Variants in DNAH7 observed in about 807,000 individuals in gnomAD.
DNAH7 encodes dynein axonemal heavy chain 7.
DNAH7 carries 397 observed loss-of-function variants against 444.6 expected under a neutral mutation model. That is an observed-to-expected ratio of 0.89 (90% CI 0.82 to 0.97). The LOEUF (loss-of-function observed/expected upper bound fraction) is 0.97. DNAH7 is among the 50% of genes least tolerant of loss of function. The pLI, the probability that DNAH7 is intolerant of heterozygous loss-of-function variation, is 0.00. For synonymous variants in DNAH7, 1,636 were observed against 1,624.4 expected, an observed-to-expected ratio of 1.01 and a Z score of -0.17; for missense variants, 4,902 against 4,800.8, an observed-to-expected ratio of 1.02 and a Z score of -0.62.
At chr2:195,768,903 T>G (rs982315811) in intron 61 of DNAH7, among the ~76,000 whole-genome samples, 2 of 152,184 alleles carry the variant, frequency 1.3e-5, no homozygotes, top group Non-Finnish European at 2.9e-5. Flanking sequence ...GTCTTATGTA[T>G]TGGATATTGC....
intron 51 of DNAH7, among the ~76,000 whole-genome samples, chr2:195,811,960 G>A (rs1378387613): frequency 1.3e-5 from 2 of 152,072 alleles, no homozygotes; most frequent in Admixed American, 6.6e-5. Flanking sequence ...TACCAGAGGT[G>A]GTAAGATTTG....
intron 29 of DNAH7, among the ~76,000 whole-genome samples, chr2:195,895,645 C>T (rs1235794153): frequency 6.6e-6 from 1 of 152,138 alleles, no homozygotes; most frequent in Non-Finnish European, 1.5e-5. Flanking sequence ...AGATAATTAA[C>T]ATATCCATCA....
intron 35 of DNAH7, among the ~76,000 whole-genome samples, chr2:195,884,064 T>C (rs1386537015): frequency 6.6e-6 from 1 of 152,066 alleles, no homozygotes; most frequent in Non-Finnish European, 1.5e-5. Context: ...TAAATCTGTA[T>C]ATATTTAAAT....
rs144732351 is a variant in DNAH7, at chr2:195,956,799, A to T, written c.3078+462T>A. 1.6e-3 allele frequency among the ~76,000 whole-genome samples: 239 copies of T among 151,860 alleles called. 1 individual carries two copies. The highest frequency in any genetic ancestry group is 5.3e-3 in the African/African-American group (219 of 41,398). On this transcript the variant is annotated intron_variant, in intron 19 of 64. Transcript: ENST00000312428. Reference sequence around the variant, plus strand: ...TCTTTCTTTATTGCATTTTATTTGCATTTATTGGACTTTTTAGATATATTT... The same window carrying T: ...TCTTTCTTTATTGCATTTTATTTGCTTTTATTGGACTTTTTAGATATATTT...
chr2:195,931,880 G>C (rs550733249), intron 21 of DNAH7, among the ~76,000 whole-genome samples: 6 of 152,124 alleles, frequency 3.9e-5, no homozygotes, highest in African/African-American at 1.4e-4. Context: ...TTGTTCTTTT[G>C]GCTTAGGATT....
At position 195,987,205 on chromosome 2, in the gene DNAH7, TAA is replaced by T; in HGVS notation, c.1627-14_1627-13del. ...CCTAAACGAATAGTCTGCAAAAGAT[TAA>T]AAGTTTAATCAACATAAGAAGAAAT... is the stretch of plus-strand genomic sequence containing the variant. On this transcript the variant is annotated splice_polypyrimidine_tract_variant and intron_variant, in intron 13 of 64. Transcript: ENST00000312428. 6.5e-7 allele frequency: 1 copy of T among 1,537,338 alleles called. No individual in the cohort carries two copies. The highest frequency in any genetic ancestry group is 8.7e-7 in the Non-Finnish European group (1 of 1,143,382).
intron 5 of DNAH7, among the ~76,000 whole-genome samples, chr2:196,045,266 G>A (rs924788081): frequency 6.8e-6 from 1 of 146,620 alleles, no homozygotes; most frequent in Non-Finnish European, 1.5e-5. Context: ...AGAAGGGAAG[G>A]GAATGAAAGG....
rs755532009 is a variant in DNAH7 at position 195,884,703 on chromosome 2, G to C, written c.5645C>G (p.Ser1882Ter). ...ILRELMESPI[S>*]DRTRNTFKLQ... Reference sequence around the variant, plus strand: ...TTTAAACGTATTTCGAGTTCGATCTGAAATTGGACTTTCCATTAGTTCTCG... The same window carrying C: ...TTTAAACGTATTTCGAGTTCGATCTCAAATTGGACTTTCCATTAGTTCTCG... The change falls in exon 35 of 65, where the codon TCA (serine) becomes TGA (stop). Residue 1882 changes from serine (S) to a stop codon, truncating the protein, a stop_gained. Coordinates refer to ENST00000312428, the MANE Select transcript of DNAH7 (RefSeq NM_018897.3). LOFTEE classifies it high-confidence loss of function. 6.2e-7 allele frequency: 1 copy of C among 1,614,128 alleles called. No homozygotes were observed. Among genetic ancestry groups the C allele is most frequent in the Admixed American group, 1.7e-5 (1 of 60,024 alleles).
At chr2:195,832,200 T>C (rs565258809) in intron 48 of DNAH7, among the ~76,000 whole-genome samples, 29 of 152,280 alleles carry the variant, frequency 1.9e-4, no homozygotes, top group Non-Finnish European at 2.9e-4. Flanking sequence ...TTATGACCCA[T>C]ACTTTGGAAA....
chr2:196,000,690 T>C lies in DNAH7; in HGVS notation c.1353+14A>G, dbSNP rs1258721250. 2 of 1,506,644 alleles carry C rather than the reference T, an allele frequency of 1.3e-6. No homozygotes were observed. The highest frequency in any genetic ancestry group is 1.4e-5 in the African/African-American group (1 of 71,458). 93.3% of individuals were successfully genotyped at this position (1,506,644 alleles called of 1,614,324 possible). A position where few individuals can be genotyped will look rare whatever the true frequency, so the allele number is the denominator to read the frequency against. On this transcript the variant is annotated intron_variant, in intron 12 of 64. Transcript: ENST00000312428. Reference sequence around the variant, plus strand: ...TATGCAAATTCAAGCAATCTTAATATCCTTGTTACTTACCCACTTGGAATA... The same window carrying C: ...TATGCAAATTCAAGCAATCTTAATACCCTTGTTACTTACCCACTTGGAATA...
At chr2:195,994,370 T>C in intron 12 of DNAH7, 1 of 714,412 alleles carries the variant, frequency 1.4e-6, no homozygotes, top group Non-Finnish European at 2.3e-6. Context: ...GGGGAGGCAG[T>C]AAGTTTACAA....
chr2:196,060,374 A>G (rs756158850), intron 1 of DNAH7, among the ~76,000 whole-genome samples: 35 of 152,182 alleles, frequency 2.3e-4, no homozygotes, highest in Non-Finnish European at 4.3e-4. Context: ...TTTTCAATGT[A>G]TATGTCCTCC....
At chr2:195,898,184 A>T (rs1702448244) in intron 28 of DNAH7, among the ~76,000 whole-genome samples, 1 of 152,192 alleles carries the variant, frequency 6.6e-6, no homozygotes, top group Non-Finnish European at 1.5e-5. Flanking sequence ...ACATATAAAC[A>T]TTCACTAATT....
At chr2:195,865,851 G>A (rs1433442322) in intron 40 of DNAH7, among the ~76,000 whole-genome samples, 4 of 152,106 alleles carry the variant, frequency 2.6e-5, no homozygotes, top group African/African-American at 9.7e-5. Flanking sequence ...ATAAGGAGAG[G>A]AAGAGGCATT....
chr2:195,772,019 A>C, intron 60 of DNAH7, 129 bp from the exon 61 acceptor site: 5 of 764,824 alleles, frequency 6.5e-6, no homozygotes, highest in Non-Finnish European at 1.1e-5. Flanking sequence ...ATCCATCTCC[A>C]CACAAGATTT....
chr2:195,863,747 T>G (rs1463978655), intron 41 of DNAH7, among the ~76,000 whole-genome samples: 1 of 152,304 alleles, frequency 6.6e-6, no homozygotes, highest in East Asian at 1.9e-4. Flanking sequence ...TACACGGTTA[T>G]AGTAACACTT....
chr2:195,872,281 G>A lies in DNAH7; in HGVS notation c.6602C>T (p.Thr2201Ile). Residue 2201 changes from threonine (T) to isoleucine (I), a missense_variant, in exon 40 of 65, where the codon ACA becomes ATA. Transcript: ENST00000312428. ...CLSRPETTETTEVIKRLWVHE... is the reference protein window; with the variant it reads ...CLSRPETTETIEVIKRLWVHE... ...AACCCAAAGACGTTTAATCACTTCT[G>A]TGGTTTCTGTTGTTTCTGGTCTTGA... is the stretch of plus-strand genomic sequence containing the variant. 6.2e-7 allele frequency: 1 copy of A among 1,613,762 alleles called. No homozygotes were observed.
chr2:195,996,188 GAAAGACTACTT>G (rs1436013066), intron 12 of DNAH7, among the ~76,000 whole-genome samples: 5 of 152,138 alleles, frequency 3.3e-5, no homozygotes, highest in Admixed American at 3.3e-4. Flanking sequence ...CTAGATCAAA[GAAAGACTACTT>G]ATTCACTGAC....
rs2105862718 is a variant in DNAH7, at chr2:195,737,803, ATTATAAC to A, written c.*111_*117del. ...GCATTTGCTCATAAGTAAATTCATA[ATTATAAC>A]TTTAGTCAAATGTATTTAAACAAAC... On this transcript the variant is annotated 3_prime_UTR_variant, in exon 65 of 65. Transcript: ENST00000312428. 2.3e-6 allele frequency: 2 copies of A among 860,434 alleles called. No individual in the cohort carries two copies. Among genetic ancestry groups the A allele is most frequent in the African/African-American group, 3.4e-5 (2 of 58,568 alleles). The allele number at this position is 860,434 out of a possible 1,614,324, so 53.3% of individuals were successfully genotyped here.
Sources: allele counts gnomAD v4.1 joint callset (sites outside exome capture counted in the v4.1 genomes callset), GRCh38; gene constraint gnomAD v4.1.1; transcripts MANE v1.5; gene names NCBI Gene and HGNC (gene_info 2026-07-23, HGNC 2026-07-21).